Variants in PTPN3 observed in about 807,000 individuals in gnomAD.
PTPN3 encodes the protein protein tyrosine phosphatase non-receptor type 3.
In PTPN3, 96 loss-of-function variants were observed where a neutral mutation model predicts 132.7. The ratio of observed to expected loss-of-function variants is 0.72; its 90% CI spans 0.61 to 0.86. The LOEUF is 0.86. Among genes scored for constraint, PTPN3 ranks in the 40% least tolerant of loss-of-function variants. The probability of loss-of-function intolerance (pLI) is 0.00; values close to 1 mark genes in which losing one functional copy is unlikely to be tolerated. For synonymous variants in PTPN3, 398 were observed against 429.0 expected (o/e 0.93, Z 0.89); for missense variants, 1,125 against 1,159.6 (o/e 0.97, Z 0.43).
intron 25 of PTPN3, among the ~76,000 whole-genome samples, chr9:109,379,908 C>A (rs143245449): frequency 2.0e-5 from 3 of 152,110 alleles, no homozygotes; most frequent in Non-Finnish European, 2.9e-5. Flanking sequence ...GCGGGACAGC[C>A]CTTCTTGTAA....
chr9:109,534,571 G>T, the PTPN3 span, among the ~76,000 whole-genome samples: 3 of 148,552 alleles, frequency 2.0e-5, no homozygotes, highest in Non-Finnish European at 4.4e-5. Flanking sequence ...GAGGTCAGGA[G>T]TTCGAGACCA....
At chr9:109,412,065 CA>C (rs776784389) in intron 14 of PTPN3, among the ~76,000 whole-genome samples, 2 of 152,180 alleles carry the variant, frequency 1.3e-5, no homozygotes, top group Non-Finnish European at 2.9e-5. Flanking sequence ...TCACTGTTTA[CA>C]AGAGCATCAC....
chr9:109,391,628 T>C (rs763227022), intron 19 of PTPN3, 67 bp from the exon 20 acceptor site: 11 of 1,329,598 alleles, frequency 8.3e-6, no homozygotes, highest in Non-Finnish European at 1.2e-5. Flanking sequence ...GAAAACATAC[T>C]TTATCATTCA....
At chr9:109,491,221 T>C (rs1050777618) in intron 1 of PTPN3, among the ~76,000 whole-genome samples, 3 of 151,196 alleles carry the variant, frequency 2.0e-5, no homozygotes, top group African/African-American at 4.9e-5. Flanking sequence ...AAAAAGTATA[T>C]AAAACTTGAG....
At chr9:109,516,678 A>G in the PTPN3 span, among the ~76,000 whole-genome samples, 1 of 152,174 alleles carries the variant, frequency 6.6e-6, no homozygotes, top group Non-Finnish European at 1.5e-5. Flanking sequence ...GGAGTAACAC[A>G]TTTGTATTTT....
chr9:109,436,926 G>A lies in PTPN3; in HGVS notation c.632C>T (p.Ala211Val), dbSNP rs193920798. Residue 211 changes from alanine (A) to valine (V), a missense_variant, in exon 9 of 26, where the codon GCG becomes GTG. By Grantham distance (64) the Ala-to-Val change is moderately conservative (BLOSUM62 0). Transcript: ENST00000374541. ...SEAESCYINI[A>V]RTLDFYGVEL... ...TACTCCATAGAAGTCGAGGGTCCGC[G>A]CTATGTTGATATAGCAGGATTCTGC... 48 of 1,614,052 alleles carry A rather than the reference G, an allele frequency of 3.0e-5. 1 individual carries two copies. In the South Asian group the frequency reaches 4.0e-4, roughly 13 times the overall value.
intron 1 of PTPN3, among the ~76,000 whole-genome samples, chr9:109,487,312 C>T (rs750336508): frequency 1.1e-4 from 16 of 152,250 alleles, no homozygotes; most frequent in Non-Finnish European, 1.8e-4. Context: ...AGTGAGCAGT[C>T]CCTGGCCACT....
intron 19 of PTPN3, among the ~76,000 whole-genome samples, chr9:109,400,089 G>A (rs1840958154): frequency 6.6e-6 from 1 of 152,048 alleles, no homozygotes; most frequent in Admixed American, 6.6e-5. Flanking sequence ...CACCATGGCT[G>A]GCTAATTTTT....
intron 19 of PTPN3, among the ~76,000 whole-genome samples, chr9:109,401,271 C>G (rs1280456222): frequency 6.6e-6 from 1 of 152,192 alleles, no homozygotes; most frequent in Non-Finnish European, 1.5e-5. Flanking sequence ...CACCTCCTCT[C>G]CTCTGGAACA....
intron 12 of PTPN3, among the ~76,000 whole-genome samples, chr9:109,423,281 C>CT (rs1219609510): frequency 6.6e-6 from 1 of 152,176 alleles, no homozygotes; most frequent in African/African-American, 2.4e-5. Flanking sequence ...ACTGGTAAAT[C>CT]TTTGAGAGAG....
chr9:109,449,863 TTGAGA>T, intron 5 of PTPN3: 1 of 985,446 alleles, frequency 1.0e-6, no homozygotes, highest in Non-Finnish European at 1.2e-6. Flanking sequence ...AACTGGCTTT[TTGAGA>T]TGGGAATGCT....
chr9:109,463,568 G>A, intron 1 of PTPN3, 117 bp from the exon 2 acceptor site: 1 of 910,932 alleles, frequency 1.1e-6, no homozygotes, highest in Non-Finnish European at 1.6e-6. Context: ...CACAGATAAT[G>A]AGAACTACAT....
At chr9:109,499,970 C>A (rs868744729), upstream of PTPN3, among the ~76,000 whole-genome samples, 5 of 152,190 alleles carry the variant, frequency 3.3e-5, no homozygotes, top group South Asian at 6.2e-4. Context: ...GGGGCCGGAG[C>A]CCCCGGAAGG....
chr9:109,467,351 T>A (rs1026595832), intron 1 of PTPN3, among the ~76,000 whole-genome samples: 1 of 152,092 alleles, frequency 6.6e-6, no homozygotes, highest in African/African-American at 2.4e-5. Flanking sequence ...GAGGAGCTTT[T>A]AAAACCTGCC....
chr9:109,394,598 A>T (rs2131655797), intron 19 of PTPN3, among the ~76,000 whole-genome samples: 1 of 152,266 alleles, frequency 6.6e-6, no homozygotes, highest in Non-Finnish European at 1.5e-5. Context: ...ATGTGCCACC[A>T]CATCCGGCTA....
At position 109,432,352 on chromosome 9, in the gene PTPN3, G is replaced by C. The variant is rs535870706; in HGVS notation, c.764+721C>G. Among the ~76,000 whole-genome samples, 35 of 152,104 alleles carry C rather than the reference G, an allele frequency of 2.3e-4. No individual in the cohort carries two copies. The South Asian group carries it at 3.5e-3, about 15-fold the overall frequency. On this transcript the variant is annotated intron_variant, in intron 10 of 25. Coordinates refer to ENST00000374541, the MANE Select transcript of PTPN3 (RefSeq NM_002829.4). ...GCTGCCACTGTTTTGCCAAAACTCC[G>C]TGTTTTTTCCCCGTTTGTCCTTTTC...
intron 14 of PTPN3, among the ~76,000 whole-genome samples, chr9:109,415,594 CAG>C (rs879814921): frequency 1.3e-5 from 2 of 152,148 alleles, no homozygotes; most frequent in Admixed American, 6.5e-5. Flanking sequence ...ACACCAAAGA[CAG>C]GGGAACGATT....
chr9:109,422,962 A>G, intron 12 of PTPN3, 110 bp from the exon 13 acceptor site: 1 of 1,378,080 alleles, frequency 7.3e-7, no homozygotes, highest in East Asian at 2.3e-5. Flanking sequence ...ACGGCAGGTT[A>G]ATGCCAAGGT....
chr9:109,499,806 G>A (rs904500632), upstream of PTPN3, among the ~76,000 whole-genome samples: 1 of 152,210 alleles, frequency 6.6e-6, no homozygotes, highest in Admixed American at 6.5e-5. Flanking sequence ...GCGTCGGGGG[G>A]ATTTCCGACG....
Sources: allele counts gnomAD v4.1 joint callset (sites outside exome capture counted in the v4.1 genomes callset), GRCh38; gene constraint gnomAD v4.1.1; transcripts MANE v1.5; gene names NCBI Gene and HGNC (gene_info 2026-07-23, HGNC 2026-07-21).